The following BMP5 variants were observed in gnomAD, a reference collection of about 807,000 sequenced individuals.
The protein encoded by BMP5 is bone morphogenetic protein 5.
In BMP5, 23 loss-of-function variants were observed where a neutral mutation model predicts 46.6. That is an observed-to-expected ratio of 0.49 (90% CI 0.35 to 0.70). BMP5 has a LOEUF of 0.70. BMP5 is among the 30% of genes least tolerant of loss of function. The pLI is 0.00. For synonymous variants in BMP5, 204 were observed against 191.9 expected, an observed-to-expected ratio of 1.06 and a Z score of -0.52; for missense variants, 545 against 565.6, an observed-to-expected ratio of 0.96 and a Z score of 0.37.
chr6:55,837,720 C>G (rs936401206), intron 1 of BMP5, among the ~76,000 whole-genome samples: 2 of 152,098 alleles, frequency 1.3e-5, no homozygotes, highest in Non-Finnish European at 2.9e-5. Context: ...TATAGTCATT[C>G]TGTTGTGCTA....
chr6:55,852,172 A>G (rs941720676), intron 1 of BMP5, among the ~76,000 whole-genome samples: 15 of 152,122 alleles, frequency 9.9e-5, no homozygotes, highest in African/African-American at 3.6e-4. Context: ...TATATAAAAT[A>G]TTAAAATATT....
chr6:55,832,299 AC>A lies in BMP5; in HGVS notation c.491-12453del, dbSNP rs138438482. Among the ~76,000 whole-genome samples the A allele has an allele frequency of 4.5e-4, 68 of 152,236 alleles. No individual in the cohort carries two copies. In the East Asian group the frequency reaches 0.012, roughly 26 times the overall value. Reference sequence around the variant, plus strand: ...TCTGTTGATCACAATGAGCCTGCAAACTGAGATTGCAGAAAAGCTCACCTCC... The same window carrying A: ...TCTGTTGATCACAATGAGCCTGCAAATGAGATTGCAGAAAAGCTCACCTCC... On this transcript the variant is annotated intron_variant, in intron 1 of 6. Coordinates refer to ENST00000370830, the MANE Select transcript of BMP5 (RefSeq NM_021073.4).
At chr6:55,847,078 C>T (rs1376551160) in intron 1 of BMP5, among the ~76,000 whole-genome samples, 1 of 151,896 alleles carries the variant, frequency 6.6e-6, no homozygotes, top group Non-Finnish European at 1.5e-5. Flanking sequence ...ATTCCATTAT[C>T]TCATAGACTA....
At chr6:55,776,804 T>C (rs1360585230) in intron 3 of BMP5, among the ~76,000 whole-genome samples, 1 of 151,972 alleles carries the variant, frequency 6.6e-6, no homozygotes, top group Non-Finnish European at 1.5e-5. Context: ...CAAGTTTCCT[T>C]TGGGTTGCCA....
intron 3 of BMP5, among the ~76,000 whole-genome samples, chr6:55,775,975 C>T (rs544619924): frequency 2.6e-5 from 4 of 151,380 alleles, no homozygotes; most frequent in African/African-American, 9.7e-5. Context: ...CCACAGTTGT[C>T]TTACAACCTA....
intron 6 of BMP5, among the ~76,000 whole-genome samples, chr6:55,757,528 T>C (rs1774638867): frequency 6.6e-6 from 1 of 151,936 alleles, no homozygotes; most frequent in Non-Finnish European, 1.5e-5. Flanking sequence ...GGTAGAAGTT[T>C]GAATGCAAAA....
rs752442881 is a variant in BMP5 at position 55,755,553 on chromosome 6, G to A, written c.1345C>T (p.Arg449Cys). Reference protein sequence around the residue: ...ILKKYRNMVVRSCGCH With the variant: ...ILKKYRNMVVCSCGCH ...TAATATTAGTGGCAGCCACATGAGC[G>A]TACTACCATATTTCTATATTTTTTC... Residue 449 changes from arginine (R) to cysteine (C), a missense_variant, in exon 7 of 7, where the codon CGC (arginine) becomes TGC (cysteine). Transcript: ENST00000370830. The A allele has an allele frequency of 5.7e-5, 92 of 1,609,934 alleles. No homozygotes were observed. Among genetic ancestry groups the A allele is most frequent in the South Asian group, 2.0e-4 (18 of 90,900 alleles).
intron 1 of BMP5, among the ~76,000 whole-genome samples, chr6:55,824,957 G>A (rs1776495024): frequency 1.3e-5 from 2 of 151,828 alleles, no homozygotes; most frequent in South Asian, 4.1e-4. Context: ...ATGAAAAAAG[G>A]AAACTTTACA....
intron 1 of BMP5, among the ~76,000 whole-genome samples, chr6:55,847,875 T>G (rs1353953868): frequency 6.6e-6 from 1 of 151,990 alleles, no homozygotes; most frequent in East Asian, 1.9e-4. Context: ...GGGAAAATAG[T>G]ATCACTTTTA....
chr6:55,763,840 A>T (rs142364904), intron 4 of BMP5, among the ~76,000 whole-genome samples: 3,031 of 152,256 alleles, frequency 0.02, 97 homozygotes, highest in African/African-American at 0.069. Context: ...TACTTTATGC[A>T]AATTTCTTTA....
At chr6:55,791,835 T>A (rs1180460829) in intron 3 of BMP5, among the ~76,000 whole-genome samples, 1 of 152,130 alleles carries the variant, frequency 6.6e-6, no homozygotes, top group African/African-American at 2.4e-5. Context: ...TTCAAGCATA[T>A]CCCCAAAGAG....
At chr6:55,810,903 C>T (rs912159887) in intron 2 of BMP5, among the ~76,000 whole-genome samples, 3 of 152,118 alleles carry the variant, frequency 2.0e-5, no homozygotes, top group Non-Finnish European at 4.4e-5. Flanking sequence ...CACACACATA[C>T]CTGCCCCCTA....
intron 4 of BMP5, among the ~76,000 whole-genome samples, chr6:55,767,126 TGGC>T (rs1774933329): frequency 6.6e-6 from 1 of 152,038 alleles, no homozygotes; most frequent in Non-Finnish European, 1.5e-5. Flanking sequence ...TAATGTCTAT[TGGC>T]AAGTCTTTTT....
intron 4 of BMP5, among the ~76,000 whole-genome samples, chr6:55,773,085 G>A (rs12211217): frequency 0.025 from 3,828 of 151,920 alleles, 74 homozygotes; most frequent in Middle Eastern, 0.065. Context: ...TTTCAATTTG[G>A]TAAAATAATA....
At chr6:55,769,414 C>T (rs527306325) in intron 4 of BMP5, among the ~76,000 whole-genome samples, 103 of 151,956 alleles carry the variant, frequency 6.8e-4, no homozygotes, top group African/African-American at 2.4e-3. Context: ...GAAGCAACTC[C>T]TCATTCATTC....
chr6:55,874,196 AAT>A (rs1325998297), intron 1 of BMP5, among the ~76,000 whole-genome samples, 178 bp downstream of exon 1: 2 of 151,868 alleles, frequency 1.3e-5, no homozygotes, highest in African/African-American at 2.4e-5. Flanking sequence ...ATTCATATTA[AAT>A]ATATATATAT....
intron 1 of BMP5, among the ~76,000 whole-genome samples, chr6:55,834,513 C>T (rs1400645245): frequency 6.6e-6 from 1 of 151,878 alleles, no homozygotes; most frequent in Non-Finnish European, 1.5e-5. Flanking sequence ...CACTCAGCTG[C>T]TTTCATGTTT....
Position 55,857,872 on chromosome 6 carries a change from G to T in BMP5, c.490+16504C>A, listed in dbSNP as rs529175642. ...TCCTGCCTCAGCCTCCCAAGAGCTG[G>T]GATTACAGGCATGCGCCACCAGGCC... On this transcript the variant is annotated intron_variant, in intron 1 of 6. Transcript: ENST00000370830. 1.1e-4 allele frequency among the ~76,000 whole-genome samples: 16 copies of T among 152,198 alleles called. No individual in the cohort carries two copies. The South Asian group carries it at 3.3e-3, about 32-fold the overall frequency.
At chr6:55,868,780 G>C (rs16887316) in intron 1 of BMP5, among the ~76,000 whole-genome samples, 1,597 of 152,262 alleles carry the variant, frequency 0.01, 29 homozygotes, top group African/African-American at 0.037. Flanking sequence ...GACTTTGTGA[G>C]CTGAATCTTA....
Sources: gnomAD v4.1 joint callset for allele counts (sites outside exome capture counted in the v4.1 genomes callset) on GRCh38, gnomAD v4.1.1 for gene constraint, MANE v1.5 for transcripts, NCBI Gene and HGNC (gene_info 2026-07-23, HGNC 2026-07-21) for gene names.